Variants in MEF2A observed in about 807,000 individuals in gnomAD.
MEF2A encodes the protein myocyte-specific enhancer factor 2A.
Under a neutral mutation model 55.8 loss-of-function variants are expected in MEF2A, and 28 were observed. The observed-to-expected ratio is 0.50, with a 90% confidence interval of 0.37 to 0.69. The LOEUF is 0.69. MEF2A is among the 30% of genes least tolerant of loss of function. MEF2A has a pLI of 0.00. For synonymous variants in MEF2A, 239 were observed against 227.1 expected (o/e 1.05, Z -0.47); for missense variants, 528 against 626.2 (o/e 0.84, Z 1.67).
chr15:99,641,487 G>A (rs2044920035), intron 3 of MEF2A, among the ~76,000 whole-genome samples: 2 of 152,164 alleles, frequency 1.3e-5, no homozygotes, highest in African/African-American at 4.8e-5. Context: ...ACTTTGGGAG[G>A]CCGAGGCGGG....
chr15:99,710,285 C>A (rs892428096), intron 10 of MEF2A, among the ~76,000 whole-genome samples: 3 of 152,182 alleles, frequency 2.0e-5, no homozygotes, highest in Admixed American at 2.0e-4. Flanking sequence ...GTTGCCCAGG[C>A]TGGATGGAGT....
chr15:99,653,279 A>G (rs1355637555), intron 4 of MEF2A, among the ~76,000 whole-genome samples: 2 of 152,168 alleles, frequency 1.3e-5, no homozygotes, highest in African/African-American at 2.4e-5. Context: ...CAAACACACA[A>G]TTTAAAATTA....
At chr15:99,597,048 T>C (rs2581463) in intron 1 of MEF2A, among the ~76,000 whole-genome samples, 15,734 of 152,210 alleles carry the variant, frequency 0.1, 2,776 homozygotes, top group African/African-American at 0.36. Flanking sequence ...GCACAAATTA[T>C]ACAGCATGTG....
chr15:99,678,520 A>G (rs1029547572), intron 7 of MEF2A: 3 of 410,120 alleles, frequency 7.3e-6, no homozygotes, highest in Non-Finnish European at 9.9e-6. Flanking sequence ...TTTAAACCAT[A>G]TCATTTTTAC....
In MEF2A at chr15:99,667,432, G is replaced by GC. The variant is rs1343000819; in HGVS notation, c.259-3890dup. ...GTAGAGACGGGGTTTCACCGTGTTAGCAGGATGGTCTCAATCTCCTGACCT... is the reference window on the plus strand; with the variant it reads ...GTAGAGACGGGGTTTCACCGTGTTAGCCAGGATGGTCTCAATCTCCTGACCT... On this transcript the variant is annotated intron_variant, in intron 4 of 11. Coordinates refer to ENST00000557942, the MANE Select transcript of MEF2A (RefSeq NM_001319206.4). Among the ~76,000 whole-genome samples the GC allele has an allele frequency of 1.3e-4, 20 of 152,132 alleles. No homozygotes were observed. The South Asian group carries it at 3.5e-3, about 27-fold the overall frequency.
intron 2 of MEF2A, among the ~76,000 whole-genome samples, chr15:99,604,286 A>C (rs1376892346): frequency 6.6e-6 from 1 of 152,152 alleles, no homozygotes; most frequent in Non-Finnish European, 1.5e-5. Flanking sequence ...TTTTAGTTAT[A>C]TATTTGAAAT....
intron 3 of MEF2A, among the ~76,000 whole-genome samples, chr15:99,641,505 C>T (rs1191999571): frequency 1.3e-5 from 2 of 152,120 alleles, no homozygotes; most frequent in African/African-American, 4.8e-5. Context: ...GGGCGGATCA[C>T]GAGGTCAGGA....
chr15:99,637,587 A>G (rs748783081), intron 3 of MEF2A, among the ~76,000 whole-genome samples: 13 of 151,562 alleles, frequency 8.6e-5, no homozygotes, highest in African/African-American at 1.5e-4. Context: ...TCTGCCTGCC[A>G]TGTGTCAGCA....
intron 1 of MEF2A, among the ~76,000 whole-genome samples, chr15:99,588,539 C>T (rs567856864): frequency 6.6e-6 from 1 of 152,066 alleles, no homozygotes; most frequent in South Asian, 2.1e-4. Context: ...CTCCTGAGCT[C>T]AGGCAATCTG....
chr15:99,690,628 G>A (rs1456038750), intron 8 of MEF2A, 200 bp downstream of exon 8: 1 of 702,856 alleles, frequency 1.4e-6, no homozygotes, highest in Non-Finnish European at 2.5e-6. Flanking sequence ...TTGCTTAACA[G>A]TTACTTAAAA....
At chr15:99,624,086 A>G (rs1471679045) in intron 2 of MEF2A, among the ~76,000 whole-genome samples, 1 of 152,212 alleles carries the variant, frequency 6.6e-6, no homozygotes, top group Non-Finnish European at 1.5e-5. Flanking sequence ...GATTACAGGC[A>G]TGAGCATGGC....
intron 8 of MEF2A, 58 bp downstream of exon 8, chr15:99,690,486 A>G (rs1269388321): frequency 7.7e-6 from 11 of 1,426,258 alleles, no homozygotes; most frequent in Middle Eastern, 1.8e-4. Context: ...TACATAGTCA[A>G]TCTGTAGCTT....
At chr15:99,565,691 C>T (rs1959169188), upstream of MEF2A, 1 of 152,372 alleles carries the variant, frequency 6.6e-6, no homozygotes, top group Non-Finnish European at 1.5e-5. Context: ...CTCACCCACC[C>T]GGAAAAACAT....
chr15:99,654,233 A>G (rs138634488), intron 4 of MEF2A, among the ~76,000 whole-genome samples: 108 of 152,260 alleles, frequency 7.1e-4, no homozygotes, highest in African/African-American at 2.4e-3. Flanking sequence ...CTCAAATCCT[A>G]CTTAATATGT....
intron 2 of MEF2A, among the ~76,000 whole-genome samples, chr15:99,602,589 T>A (rs900141654): frequency 6.6e-6 from 1 of 151,796 alleles, no homozygotes; most frequent in African/African-American, 2.4e-5. Context: ...CGACCAATTA[T>A]CATTTTAGAG....
intron 1 of MEF2A, among the ~76,000 whole-genome samples, chr15:99,578,448 A>C (rs1360144509): frequency 6.6e-6 from 1 of 152,128 alleles, no homozygotes; most frequent in African/African-American, 2.4e-5. Context: ...TGGTACTGAA[A>C]AGTTTCTGAG....
chr15:99,579,242 G>A (rs768936407), intron 1 of MEF2A, among the ~76,000 whole-genome samples: 2 of 150,644 alleles, frequency 1.3e-5, no homozygotes, highest in Non-Finnish European at 3.0e-5. Context: ...ATCATCAAAT[G>A]CTTGTTTGAA....
At chr15:99,681,547 G>A (rs1043719000) in intron 7 of MEF2A, among the ~76,000 whole-genome samples, 2 of 152,202 alleles carry the variant, frequency 1.3e-5, no homozygotes, top group African/African-American at 4.8e-5. Context: ...TCATGAAGAT[G>A]CTGAAGTTTC....
intron 6 of MEF2A, among the ~76,000 whole-genome samples, chr15:99,674,887 A>T (rs1243638730): frequency 6.6e-6 from 1 of 152,162 alleles, no homozygotes; most frequent in East Asian, 1.9e-4. Flanking sequence ...ATTTAGTTAG[A>T]TATCAGAAGC....
Sources: gnomAD v4.1 joint callset for allele counts (sites outside exome capture counted in the v4.1 genomes callset) on GRCh38, gnomAD v4.1.1 for gene constraint, MANE v1.5 for transcripts, NCBI Gene and HGNC (gene_info 2026-07-23, HGNC 2026-07-21) for gene names.